The following PLCB1 variants were observed in gnomAD, a reference collection of about 807,000 sequenced individuals.
PLCB1 encodes the protein phospholipase C beta 1, also known as 1-phosphatidylinositol 4,5-bisphosphate phosphodiesterase beta-1.
Under a neutral mutation model 161.8 loss-of-function variants are expected in PLCB1, and 46 were observed. The ratio of observed to expected loss-of-function variants is 0.28; its 90% confidence interval spans 0.22 to 0.36. PLCB1 has a LOEUF of 0.36. PLCB1 is among the 10% of genes least tolerant of loss of function. The probability of loss-of-function intolerance (pLI) is 1.00; values close to 1 mark genes in which losing one functional copy is unlikely to be tolerated. For synonymous variants in PLCB1, 517 were observed against 503.7 expected, an observed-to-expected ratio of 1.03 and a Z score of -0.35; for missense variants, 1,016 against 1,472.5, an observed-to-expected ratio of 0.69 and a Z score of 5.07.
intron 4 of PLCB1, among the ~76,000 whole-genome samples, chr20:8,629,926 CTTCTT>C (rs1371342804): frequency 4.2e-5 from 6 of 143,006 alleles, no homozygotes; most frequent in Non-Finnish European, 9.2e-5. Flanking sequence ...TCTTTCCTCT[CTTCTT>C]TCCTTTCTTT....
chr20:8,397,672 T>C (rs1045935925), intron 3 of PLCB1, among the ~76,000 whole-genome samples: 2 of 152,186 alleles, frequency 1.3e-5, no homozygotes, highest in Admixed American at 6.5e-5. Context: ...TTTTTCAAAA[T>C]ATATGTAAAT....
chr20:8,680,693 T>G (rs1430425037), intron 9 of PLCB1, among the ~76,000 whole-genome samples: 1 of 152,128 alleles, frequency 6.6e-6, no homozygotes, highest in Non-Finnish European at 1.5e-5. Context: ...CAATCTTTGT[T>G]CTTATTCAAG....
chr20:8,695,613 G>A (rs1490726475), intron 10 of PLCB1, among the ~76,000 whole-genome samples: 1 of 152,100 alleles, frequency 6.6e-6, no homozygotes, highest in Non-Finnish European at 1.5e-5. Flanking sequence ...TAGGAAGGAG[G>A]ATGACTTGAG....
chr20:8,228,286 A>G (rs927402616), intron 2 of PLCB1, among the ~76,000 whole-genome samples: 8 of 152,148 alleles, frequency 5.3e-5, no homozygotes, highest in Non-Finnish European at 1.2e-4. Flanking sequence ...GATTATTCAT[A>G]CAAGTACCCA....
At chr20:8,727,089 C>T (rs1979978896) in intron 16 of PLCB1, among the ~76,000 whole-genome samples, 1 of 151,960 alleles carries the variant, frequency 6.6e-6, no homozygotes, top group Non-Finnish European at 1.5e-5. Flanking sequence ...GTAGCTCTGA[C>T]CCAAGTAGCA....
chr20:8,666,826 AG>A (rs1421299676), intron 9 of PLCB1, among the ~76,000 whole-genome samples: 4 of 151,710 alleles, frequency 2.6e-5, no homozygotes, highest in Non-Finnish European at 5.9e-5. Context: ...TGTAGGGAAA[AG>A]CTTTAAAGGT....
chr20:8,609,472 G>A (rs1987845328), intron 3 of PLCB1, among the ~76,000 whole-genome samples: 1 of 152,146 alleles, frequency 6.6e-6, no homozygotes, highest in African/African-American at 2.4e-5. Context: ...CAAAAGCTGT[G>A]CATGTTATGA....
intron 23 of PLCB1, among the ~76,000 whole-genome samples, chr20:8,742,249 A>G (rs1467770385): frequency 6.6e-6 from 1 of 152,144 alleles, no homozygotes; most frequent in African/African-American, 2.4e-5. Flanking sequence ...GGGTGACACT[A>G]ATATTAAAAA....
At chr20:8,645,990 AC>A in intron 4 of PLCB1, 111 bp from the exon 5 acceptor site, 2 of 671,814 alleles carry the variant, frequency 3.0e-6, no homozygotes, top group Non-Finnish European at 2.6e-6. Context: ...AAAACAAAAA[AC>A]CTTTGGCATG....
intron 31 of PLCB1, among the ~76,000 whole-genome samples, chr20:8,851,517 G>T (rs1196698497): frequency 6.6e-6 from 1 of 152,032 alleles, no homozygotes; most frequent in African/African-American, 2.4e-5. Flanking sequence ...TATGGTAGTG[G>T]GTTACTTTTT....
chr20:8,731,573 T>A (rs1296655711), intron 18 of PLCB1, among the ~76,000 whole-genome samples: 1 of 151,988 alleles, frequency 6.6e-6, no homozygotes, highest in Non-Finnish European at 1.5e-5. Flanking sequence ...ATTTGACTAA[T>A]GTTTTAGAAG....
chr20:8,722,379 C>A lies in PLCB1; in HGVS notation c.1539C>A (p.Asp513Glu), dbSNP rs199565459. 3 of 1,611,128 alleles carry A rather than the reference C, an allele frequency of 1.9e-6. No homozygotes were observed. The highest frequency in any genetic ancestry group is 2.5e-6 in the Non-Finnish European group (3 of 1,178,786). Residue 513 changes from aspartate (D) to glutamate (E), a missense_variant, in exon 15 of 32, where the codon GAC (aspartate) becomes GAA (glutamate). Asp to Glu is a conservative substitution (Grantham distance 45, BLOSUM62 2). Around this residue, in one of 10 missense-constraint regions of PLCB1, gnomAD observed 109 missense variants for 129.7 expected, o/e 0.84. Coordinates refer to ENST00000338037, the MANE Select transcript of PLCB1 (RefSeq NM_015192.4). ...GAGAAGCTGATACGGAAAGTGACGA[C>A]GACGATGATGATGATGACTGTAAAA... ...GAGEADTESD[D>E]DDDDDDCKKS...
At chr20:8,635,612 T>C (rs1988739586) in intron 4 of PLCB1, among the ~76,000 whole-genome samples, 1 of 152,186 alleles carries the variant, frequency 6.6e-6, no homozygotes, top group African/African-American at 2.4e-5. Context: ...GTCACTTCCC[T>C]ACCCAGCAGT....
intron 3 of PLCB1, among the ~76,000 whole-genome samples, chr20:8,384,746 C>CTGTT (rs1018166989): frequency 1.3e-5 from 2 of 152,164 alleles, no homozygotes; most frequent in African/African-American, 4.8e-5. Context: ...TTGTTGCTTT[C>CTGTT]TGTTTGTTTG....
chr20:8,666,498 C>T (rs189525272), intron 9 of PLCB1, among the ~76,000 whole-genome samples: 3 of 152,336 alleles, frequency 2.0e-5, no homozygotes, highest in East Asian at 1.9e-4. Context: ...TTTCCAATCA[C>T]GAAGCCCTGG....
chr20:8,867,920 C>G (rs919922210), intron 31 of PLCB1, among the ~76,000 whole-genome samples: 1 of 152,112 alleles, frequency 6.6e-6, no homozygotes, highest in Non-Finnish European at 1.5e-5. Context: ...GTCCTAGGAA[C>G]AGTGCCTGCC....
At chr20:8,477,501 AG>A (rs1982330768) in intron 3 of PLCB1, among the ~76,000 whole-genome samples, 1 of 152,226 alleles carries the variant, frequency 6.6e-6, no homozygotes, top group East Asian at 1.9e-4. Context: ...AGTGTGTATT[AG>A]CCCATTTTTG....
At chr20:8,575,373 T>C (rs554406866) in intron 3 of PLCB1, among the ~76,000 whole-genome samples, 1 of 152,348 alleles carries the variant, frequency 6.6e-6, no homozygotes, top group Admixed American at 6.5e-5. Flanking sequence ...GAGTTTTCCC[T>C]TCACCGTGGA....
chr20:8,321,452 T>A (rs1984915386), intron 2 of PLCB1, among the ~76,000 whole-genome samples: 1 of 152,172 alleles, frequency 6.6e-6, no homozygotes, highest in Non-Finnish European at 1.5e-5. Context: ...TATCTGTTAA[T>A]GAAAATCAAC....
Sources: gnomAD v4.1 joint callset for allele counts (sites outside exome capture counted in the v4.1 genomes callset) on GRCh38, gnomAD v4.1.1 for gene constraint, gnomAD v4.1.1 regional missense constraint, MANE v1.5 for transcripts, NCBI Gene and HGNC (gene_info 2026-07-23, HGNC 2026-07-21) for gene names.